ATL2: variants seen among roughly 807,000 people sequenced by gnomAD.
The protein encoded by ATL2 is atlastin-2.
In ATL2, 31 loss-of-function variants were observed where a neutral mutation model predicts 73.9. The ratio of observed to expected loss-of-function variants is 0.42; its 90% confidence interval spans 0.32 to 0.57. The LOEUF (loss-of-function observed/expected upper bound fraction) is 0.57. ATL2 is among the 20% of genes least tolerant of loss of function. The pLI, the probability that ATL2 is intolerant of heterozygous loss-of-function variation, is 0.14. For synonymous variants in ATL2, 291 were observed against 237.5 expected, an observed-to-expected ratio of 1.23 and a Z score of -2.07; for missense variants, 738 against 702.6, an observed-to-expected ratio of 1.05 and a Z score of -0.57.
intron 2 of ATL2, among the ~76,000 whole-genome samples, chr2:38,325,698 GTA>G (rs1558412122): frequency 2.0e-3 from 8 of 4,098 alleles, no homozygotes; most frequent in South Asian, 7.2e-3. Flanking sequence ...ACACACACCA[GTA>G]CACACACACA....
chr2:38,345,213 T>A (rs1367016156), intron 1 of ATL2, among the ~76,000 whole-genome samples: 1 of 152,174 alleles, frequency 6.6e-6, no homozygotes. Flanking sequence ...TAAGGACACA[T>A]ACGGTATCCA....
Position 38,298,332 on chromosome 2 carries a change from T to C in ATL2, c.1444A>G (p.Met482Val), listed in dbSNP as rs768816107. ...ARTPATLFAV[M>V]FAMYIISGLT... ...CCTGAGATTATATACATAGCAAACA[T>C]GACCGCAAACAGTGTGGCTGGGGTA... Residue 482 changes from methionine (M) to valine (V), a missense_variant, in exon 12 of 13, where the codon ATG becomes GTG. Physicochemically the swap from Met to Val is conservative, Grantham distance 21. Transcript: ENST00000378954. 1.4e-5 allele frequency: 23 copies of C among 1,614,082 alleles called. No homozygotes were observed. The East Asian group carries it at 2.2e-4, about 16-fold the overall frequency.
Position 38,343,284 on chromosome 2 carries a change from C to T in ATL2, c.347G>A (p.Arg116Lys). 6.3e-7 allele frequency: 1 copy of T among 1,593,760 alleles called. No homozygotes were observed. Among genetic ancestry groups the T allele is most frequent in the South Asian group, 1.1e-5 (1 of 90,024 alleles). ...GKSFLLDFML[R>K]YMYNKDSQSW... ...ACTATTCACCTTGTTATACATGTAT[C>T]TAAGCATGAAGTCCAGTAGAAATGA... is the stretch of plus-strand genomic sequence containing the variant. Residue 116 changes from arginine (R) to lysine (K), a missense_variant, in exon 2 of 13, where the codon AGA becomes AAA. Transcript: ENST00000378954.
intron 1 of ATL2, among the ~76,000 whole-genome samples, chr2:38,362,287 T>C (rs2124471494): frequency 6.6e-6 from 1 of 152,336 alleles, no homozygotes; most frequent in Non-Finnish European, 1.5e-5. Context: ...CAATTACAAA[T>C]ACACATAACC....
chr2:38,305,029 C>T (rs1423188892), intron 9 of ATL2, among the ~76,000 whole-genome samples: 1 of 151,452 alleles, frequency 6.6e-6, no homozygotes, highest in Non-Finnish European at 1.5e-5. Flanking sequence ...TATAAAGACA[C>T]AGACTGAAAA....
chr2:38,315,178 GA>G, intron 5 of ATL2, 105 bp downstream of exon 5: 1 of 1,147,060 alleles, frequency 8.7e-7, no homozygotes, highest in East Asian at 3.6e-5. Flanking sequence ...TTGAACTTGG[GA>G]GGGGGAGGTT....
chr2:38,364,506 T>C (rs950234517), intron 1 of ATL2, among the ~76,000 whole-genome samples: 1 of 152,198 alleles, frequency 6.6e-6, no homozygotes, highest in Admixed American at 6.5e-5. Flanking sequence ...GAAGAGCTAG[T>C]TCTTAAACAT....
chr2:38,341,663 A>G (rs925068072), intron 2 of ATL2, among the ~76,000 whole-genome samples: 13 of 152,332 alleles, frequency 8.5e-5, no homozygotes, highest in Admixed American at 6.5e-5. Flanking sequence ...TCAATCAATG[A>G]GACAAACTTT....
intron 2 of ATL2, among the ~76,000 whole-genome samples, chr2:38,321,910 G>A (rs1301307759): frequency 1.3e-5 from 2 of 151,882 alleles, no homozygotes; most frequent in Admixed American, 6.6e-5. Flanking sequence ...AGGGGGTTTC[G>A]CCACGTTGCC....
At chr2:38,317,300 C>T (rs530993348) in intron 4 of ATL2, among the ~76,000 whole-genome samples, 2 of 152,068 alleles carry the variant, frequency 1.3e-5, no homozygotes, top group Non-Finnish European at 2.9e-5. Flanking sequence ...TGGGCCTAAC[C>T]GCCATACTTC....
intron 5 of ATL2, 95 bp downstream of exon 5, chr2:38,315,189 T>C: frequency 1.6e-6 from 2 of 1,226,854 alleles, no homozygotes; most frequent in South Asian, 2.1e-5. Context: ...AGGGGGAGGT[T>C]GCAGTGAACC....
At chr2:38,346,667 C>T (rs894808484) in intron 1 of ATL2, among the ~76,000 whole-genome samples, 18 of 152,282 alleles carry the variant, frequency 1.2e-4, no homozygotes, top group African/African-American at 2.6e-4. Context: ...CAATAAGGTT[C>T]GCGCTCCTAT....
chr2:38,306,880 C>T (rs1340386030), intron 9 of ATL2, among the ~76,000 whole-genome samples: 1 of 152,150 alleles, frequency 6.6e-6, no homozygotes, highest in Non-Finnish European at 1.5e-5. Context: ...CTACACAGTA[C>T]TGGAAGTTGT....
intron 2 of ATL2, among the ~76,000 whole-genome samples, chr2:38,325,530 G>C (rs1668548710): frequency 6.6e-6 from 1 of 151,836 alleles, no homozygotes; most frequent in African/African-American, 2.4e-5. Flanking sequence ...AGTAATTACG[G>C]AAGAAAGTTT....
rs929474620 is a variant in ATL2, at chr2:38,343,159, A to T, written c.363+109T>A. 2.4e-5 allele frequency: 9 copies of T among 382,738 alleles called. No homozygotes were observed. The South Asian group carries it at 4.1e-4, about 17-fold the overall frequency. The allele number at this position is 382,738 out of a possible 1,614,324, so 23.7% of individuals were successfully genotyped here. On this transcript the variant is annotated intron_variant, in intron 2 of 12. Coordinates refer to ENST00000378954, the MANE Select transcript of ATL2 (RefSeq NM_001135673.4). ...TGAGACCACTTAAATTAAAAAAAAA[A>T]AAAAAAAAAAAAAAAAAAAGATATA... is the stretch of plus-strand genomic sequence containing the variant.
At chr2:38,311,156 AG>A (rs1667738255) in intron 7 of ATL2, among the ~76,000 whole-genome samples, 1 of 152,164 alleles carries the variant, frequency 6.6e-6, no homozygotes, top group Non-Finnish European at 1.5e-5. Context: ...ACAAATAAAA[AG>A]TTTAGCCCCT....
At chr2:38,358,039 T>C (rs1028343863) in intron 1 of ATL2, among the ~76,000 whole-genome samples, 1 of 152,222 alleles carries the variant, frequency 6.6e-6, no homozygotes, top group Admixed American at 6.5e-5. Flanking sequence ...TTAAAATGCA[T>C]ATCCTGATTC....
rs1172887746 is a variant in ATL2, at chr2:38,294,511, G to A, written c.*1483C>T. Among the ~76,000 whole-genome samples, 2 of 152,270 alleles carry A rather than the reference G, an allele frequency of 1.3e-5. No homozygotes were observed. Among genetic ancestry groups the A allele is most frequent in the African/African-American group, 2.4e-5 (1 of 41,536 alleles). On this transcript the variant is annotated 3_prime_UTR_variant, in exon 13 of 13. Coordinates refer to ENST00000378954, the MANE Select transcript of ATL2 (RefSeq NM_001135673.4). The stretch of plus-strand genomic sequence containing the variant: ...TGCAGTGAGCCAAGATCGCACCACT[G>A]CACTCCAGCCTGGGTGACAGAGAGA...
In ATL2 at chr2:38,309,416, G is replaced by A. The variant is rs200636844; in HGVS notation, c.1034C>T (p.Ser345Phe). 177 of 1,611,656 alleles carry A rather than the reference G, an allele frequency of 1.1e-4. 2 individuals are homozygous for A. Among genetic ancestry groups the A allele is most frequent in the Admixed American group, 8.5e-4 (51 of 59,916 alleles). ...ENLVEKEISG[S>F]KVTCRDLVEY... ...TACAAGATCTCTACAAGTGACTTTA[G>A]ATCCACTTATCTCTTTTTCTACCAA... The change falls in exon 9 of 13, where the codon TCT becomes TTT. Residue 345 changes from serine to phenylalanine, a missense_variant. Coordinates refer to ENST00000378954, the MANE Select transcript of ATL2 (RefSeq NM_001135673.4).
Sources: gnomAD v4.1 joint callset for allele counts (sites outside exome capture counted in the v4.1 genomes callset) on GRCh38, gnomAD v4.1.1 for gene constraint, MANE v1.5 for transcripts, NCBI Gene and HGNC (gene_info 2026-07-23, HGNC 2026-07-21) for gene names.